Variants in MYO5B observed in about 807,000 individuals in gnomAD.
MYO5B encodes unconventional myosin-Vb.
Under a neutral mutation model 229.3 loss-of-function variants are expected in MYO5B, and 143 were observed. That is an observed-to-expected ratio of 0.62 (90% CI 0.54 to 0.72). The LOEUF is 0.72. MYO5B is among the 30% of genes least tolerant of loss of function. The pLI is 0.00. For missense variants in MYO5B, 2,321 were observed against 2,331.0 expected, an observed-to-expected ratio of 1.00 and a Z score of 0.09; for synonymous variants, 918 against 885.2, an observed-to-expected ratio of 1.04 and a Z score of -0.66.
chr18:49,938,570 T>C (rs1043696991), intron 14 of MYO5B, among the ~76,000 whole-genome samples: 1 of 152,110 alleles, frequency 6.6e-6, no homozygotes, highest in African/African-American at 2.4e-5. Flanking sequence ...CCTTCTCACC[T>C]ACCCTGTGCC....
chr18:49,877,901 G>C lies in MYO5B; in HGVS notation c.3277-19C>G, dbSNP rs779285739. The C allele has an allele frequency of 6.2e-7, 1 of 1,614,002 alleles. No individual in the cohort carries two copies. Among genetic ancestry groups the C allele is most frequent in the Admixed American group, 1.7e-5 (1 of 60,018 alleles). ...GAGTTTGCTGTTCAACAAGAAAAAC[G>C]TGATAGCTCATTAGGAACTAATGTT... is the stretch of plus-strand genomic sequence containing the variant. On this transcript the variant is annotated intron_variant, in intron 24 of 39. Transcript: ENST00000285039.
At chr18:50,050,412 A>G (rs1214173425) in intron 2 of MYO5B, among the ~76,000 whole-genome samples, 4 of 152,182 alleles carry the variant, frequency 2.6e-5, no homozygotes, top group African/African-American at 2.4e-5. Flanking sequence ...TTGTGAGACT[A>G]TAGCTTCTTG....
At chr18:49,915,314 G>A (rs1178425410) in intron 17 of MYO5B, among the ~76,000 whole-genome samples, 2 of 152,124 alleles carry the variant, frequency 1.3e-5, no homozygotes, top group Non-Finnish European at 2.9e-5. Flanking sequence ...ACAGATCCTG[G>A]CAACTACTAA....
chr18:49,859,158 T>A (rs531746124), intron 29 of MYO5B, among the ~76,000 whole-genome samples: 1 of 152,312 alleles, frequency 6.6e-6, no homozygotes. Context: ...CCACCTGTAA[T>A]GAGCCCGTGG....
intron 1 of MYO5B, among the ~76,000 whole-genome samples, chr18:50,090,944 G>C (rs1221138508): frequency 6.6e-6 from 1 of 152,176 alleles, no homozygotes; most frequent in Non-Finnish European, 1.5e-5. Flanking sequence ...GCCATGCTAG[G>C]TTCCCAGGAC....
In MYO5B at chr18:49,834,022, G is replaced by T. The variant is rs138495692; in HGVS notation, c.5394+1322C>A. 1.7e-3 allele frequency among the ~76,000 whole-genome samples: 263 copies of T among 152,222 alleles called. 1 individual carries two copies. The highest frequency in any genetic ancestry group is 0.014 in the Middle Eastern group (4 of 294). ...GCACCACTTCCCAGACGTTCCCTCT[G>T]TTGGCCTCTGTTCCCTACTTAGATG... On this transcript the variant is annotated intron_variant, in intron 39 of 39. Transcript: ENST00000285039.
chr18:49,963,263 AAAAG>A (rs2025581921), intron 10 of MYO5B, among the ~76,000 whole-genome samples: 1 of 152,170 alleles, frequency 6.6e-6, no homozygotes, highest in African/African-American at 2.4e-5. Flanking sequence ...AAAATTTTGG[AAAAG>A]AAAGTTTAAA....
intron 16 of MYO5B, among the ~76,000 whole-genome samples, chr18:49,933,373 C>G (rs2025215603): frequency 6.6e-6 from 1 of 152,220 alleles, no homozygotes; most frequent in Admixed American, 6.5e-5. Context: ...TTGCCAGTTA[C>G]TTGTGACAGA....
At chr18:50,094,100 C>T (rs1396183508) in intron 1 of MYO5B, among the ~76,000 whole-genome samples, 1 of 152,206 alleles carries the variant, frequency 6.6e-6, no homozygotes, top group Non-Finnish European at 1.5e-5. Flanking sequence ...GATCCAAGAA[C>T]CTTCTCTTGG....
chr18:49,881,480 G>T (rs530072983), intron 22 of MYO5B, among the ~76,000 whole-genome samples: 1 of 152,186 alleles, frequency 6.6e-6, no homozygotes. Context: ...AACAAAAATT[G>T]TAGTCTACTC....
At chr18:49,930,305 G>A (rs2025175508) in intron 16 of MYO5B, among the ~76,000 whole-genome samples, 1 of 152,188 alleles carries the variant, frequency 6.6e-6, no homozygotes, top group Admixed American at 6.5e-5. Context: ...GAATCATGTA[G>A]ATGAACTTCA....
At chr18:50,004,774 G>T (rs912634396) in intron 4 of MYO5B, among the ~76,000 whole-genome samples, 2 of 152,104 alleles carry the variant, frequency 1.3e-5, no homozygotes, top group Non-Finnish European at 2.9e-5. Flanking sequence ...AAATAGAGGT[G>T]GGGTAGGTGC....
At chr18:50,018,574 A>T (rs139295023) in intron 4 of MYO5B, among the ~76,000 whole-genome samples, 3 of 152,294 alleles carry the variant, frequency 2.0e-5, no homozygotes, top group South Asian at 4.1e-4. Flanking sequence ...CACTTTCTGT[A>T]TATCAATTGA....
At chr18:50,014,467 A>C (rs1320054236) in intron 4 of MYO5B, among the ~76,000 whole-genome samples, 1 of 152,194 alleles carries the variant, frequency 6.6e-6, no homozygotes, top group East Asian at 1.9e-4. Context: ...ATGATCCCTT[A>C]ACTCTCTCAT....
intron 1 of MYO5B, among the ~76,000 whole-genome samples, chr18:50,134,206 T>C (rs1238514718): frequency 1.3e-5 from 2 of 152,178 alleles, no homozygotes; most frequent in East Asian, 3.9e-4. Flanking sequence ...TGTTCAAACT[T>C]CAAAGGGATA....
chr18:49,932,336 A>G (rs1001789834), intron 16 of MYO5B, among the ~76,000 whole-genome samples: 4 of 152,238 alleles, frequency 2.6e-5, no homozygotes, highest in African/African-American at 9.6e-5. Flanking sequence ...TTTCTCTTAG[A>G]GTCTCCACAC....
At chr18:50,123,273 G>A (rs544493157) in intron 1 of MYO5B, among the ~76,000 whole-genome samples, 46 of 152,274 alleles carry the variant, frequency 3.0e-4, no homozygotes, top group Middle Eastern at 6.8e-3. Context: ...TGGCTACCAG[G>A]GGCCAACAGG....
intron 14 of MYO5B, among the ~76,000 whole-genome samples, chr18:49,941,152 C>G (rs2025308866): frequency 6.6e-6 from 1 of 152,224 alleles, no homozygotes; most frequent in Non-Finnish European, 1.5e-5. Flanking sequence ...ACTTTTCCCT[C>G]ACACTCCTCA....
chr18:49,836,729 G>A lies in MYO5B; in HGVS notation c.5295C>T (p.Thr1765=), dbSNP rs1404927776. 6.2e-7 allele frequency: 1 copy of A among 1,614,092 alleles called. No homozygotes were observed. Among genetic ancestry groups the A allele is most frequent in the African/African-American group, 1.3e-5 (1 of 75,030 alleles). Reference sequence around the variant, plus strand: ...ACTGTACCTGCTGGGTGCTGAGGGAGGTACACAGGGAGCAGATAGCCTCTG... The same window carrying A: ...ACTGTACCTGCTGGGTGCTGAGGGAAGTACACAGGGAGCAGATAGCCTCTG... ...EDAEAICSLC[T]SLSTQQIVKI... The change falls in exon 38 of 40, where the codon ACC becomes ACT. Residue 1765 remains threonine, a synonymous_variant. Coordinates refer to ENST00000285039, the MANE Select transcript of MYO5B (RefSeq NM_001080467.3).
Sources: allele counts gnomAD v4.1 joint callset (sites outside exome capture counted in the v4.1 genomes callset), GRCh38; gene constraint gnomAD v4.1.1; transcripts MANE v1.5; gene names NCBI Gene and HGNC (gene_info 2026-07-23, HGNC 2026-07-21).